The following ARNT2 variants were observed in gnomAD, a reference collection of about 807,000 sequenced individuals.
ARNT2 encodes the protein aryl hydrocarbon receptor nuclear translocator 2, also known as ARNT protein 2.
Under a neutral mutation model 91.7 loss-of-function variants are expected in ARNT2, and 36 were observed. The observed-to-expected ratio is 0.39, with a 90% CI of 0.30 to 0.52. ARNT2 has a LOEUF of 0.52. Among genes scored for constraint, ARNT2 ranks in the 20% least tolerant of loss-of-function variants. ARNT2 has a pLI of 0.72. For missense variants in ARNT2, 775 were observed against 939.3 expected (o/e 0.83, Z 2.29); for synonymous variants, 365 against 347.1 (o/e 1.05, Z -0.57).
At chr15:80,469,442 C>T (rs1361205472) in intron 3 of ARNT2, among the ~76,000 whole-genome samples, 1 of 151,624 alleles carries the variant, frequency 6.6e-6, no homozygotes, top group African/African-American at 2.4e-5. Context: ...TACTTAGTGA[C>T]ACAAAGAATG....
chr15:80,546,071 G>A (rs1224481971), intron 8 of ARNT2, among the ~76,000 whole-genome samples: 3 of 152,196 alleles, frequency 2.0e-5, no homozygotes, highest in Non-Finnish European at 4.4e-5. Context: ...TTCTAATAGA[G>A]ATTAGAATGT....
At chr15:80,585,122 T>A (rs1407605643) in intron 17 of ARNT2, among the ~76,000 whole-genome samples, 1 of 152,250 alleles carries the variant, frequency 6.6e-6, no homozygotes, top group African/African-American at 2.4e-5. Context: ...AAAGCATTTC[T>A]TCCATTTCAG....
intron 8 of ARNT2, among the ~76,000 whole-genome samples, chr15:80,531,872 C>T (rs1897746058): frequency 6.6e-6 from 1 of 152,178 alleles, no homozygotes; most frequent in Non-Finnish European, 1.5e-5. Flanking sequence ...TCAGCTGACC[C>T]TAACGTCTCT....
chr15:80,433,099 T>C (rs940655934), intron 1 of ARNT2, among the ~76,000 whole-genome samples: 18 of 152,042 alleles, frequency 1.2e-4, no homozygotes, highest in Admixed American at 3.9e-4. Flanking sequence ...ACAAGGAAAC[T>C]ACTTTGTTTC....
chr15:80,580,627 C>A, intron 16 of ARNT2, 78 bp downstream of exon 16: 3 of 1,582,302 alleles, frequency 1.9e-6, no homozygotes, highest in East Asian at 2.3e-5. Flanking sequence ...CTTTGGATTG[C>A]GGTTCTGAGG....
At chr15:80,452,247 C>A (rs973269114) in intron 2 of ARNT2, among the ~76,000 whole-genome samples, 1 of 152,320 alleles carries the variant, frequency 6.6e-6, no homozygotes, top group South Asian at 2.1e-4. Flanking sequence ...AGTGGTTATG[C>A]CAGCTTTCCC....
At chr15:80,509,529 T>C (rs1262196172) in intron 6 of ARNT2, among the ~76,000 whole-genome samples, 1 of 152,118 alleles carries the variant, frequency 6.6e-6, no homozygotes, top group Non-Finnish European at 1.5e-5. Flanking sequence ...GTAGGGGTGA[T>C]ACAAAGTAGA....
intron 5 of ARNT2, among the ~76,000 whole-genome samples, chr15:80,489,844 G>A (rs1485414538): frequency 1.3e-5 from 2 of 152,196 alleles, no homozygotes; most frequent in African/African-American, 2.4e-5. Flanking sequence ...TGGACTTTCT[G>A]CCTGGGTTTG....
At position 80,508,262 on chromosome 15, in the gene ARNT2, T is replaced by C; in HGVS notation, c.725+4T>C. ...GGTCTTTCATCTGCAGGATGAGGTCTGTTTTGGGGGAGCAGCAGGCCATCA... is the reference window on the plus strand; with the variant it reads ...GGTCTTTCATCTGCAGGATGAGGTCCGTTTTGGGGGAGCAGCAGGCCATCA... On this transcript the variant is annotated splice_donor_region_variant and intron_variant, in intron 6 of 18. Coordinates refer to ENST00000303329, the MANE Select transcript of ARNT2 (RefSeq NM_014862.4). 6.2e-7 allele frequency: 1 copy of C among 1,613,912 alleles called. No homozygotes were observed. Among genetic ancestry groups the C allele is most frequent in the Non-Finnish European group, 8.5e-7 (1 of 1,179,818 alleles).
intron 1 of ARNT2, among the ~76,000 whole-genome samples, chr15:80,439,332 G>A (rs139818402): frequency 7.9e-5 from 12 of 152,312 alleles, no homozygotes; most frequent in African/African-American, 2.9e-4. Flanking sequence ...CATTGATCAT[G>A]CACAAGTTCA....
intron 17 of ARNT2, among the ~76,000 whole-genome samples, chr15:80,586,122 G>T (rs1183815758): frequency 6.6e-6 from 1 of 152,016 alleles, no homozygotes; most frequent in Non-Finnish European, 1.5e-5. Context: ...ATATTACCTT[G>T]TTTCTTGGAG....
intron 17 of ARNT2, among the ~76,000 whole-genome samples, chr15:80,587,204 T>A (rs1022367816): frequency 6.6e-6 from 1 of 152,202 alleles, no homozygotes; most frequent in African/African-American, 2.4e-5. Context: ...TGCCCTTTGG[T>A]GCACCTTGTT....
intron 5 of ARNT2, among the ~76,000 whole-genome samples, chr15:80,482,355 C>CAGCTGGG (rs1896903495): frequency 6.6e-6 from 1 of 152,128 alleles, no homozygotes; most frequent in African/African-American, 2.4e-5. Flanking sequence ...GTTAAACCTT[C>CAGCTGGG]CCAGGTGATT....
At chr15:80,417,513 C>A (rs1205021033) in intron 1 of ARNT2, among the ~76,000 whole-genome samples, 1 of 151,736 alleles carries the variant, frequency 6.6e-6, no homozygotes, top group East Asian at 1.9e-4. Flanking sequence ...TTCCCATCCC[C>A]CCTCTGCTTC....
chr15:80,446,540 C>T (rs1348867206), intron 1 of ARNT2, among the ~76,000 whole-genome samples: 1 of 152,190 alleles, frequency 6.6e-6, no homozygotes, highest in Admixed American at 6.5e-5. Context: ...ACCTGGCCTC[C>T]GCCTGGGCAC....
chr15:80,515,772 G>A (rs1350265789), intron 8 of ARNT2, among the ~76,000 whole-genome samples: 1 of 146,002 alleles, frequency 6.8e-6, no homozygotes, highest in African/African-American at 2.5e-5. Flanking sequence ...ACAATTTTTT[G>A]TTCACTTTAT....
At chr15:80,493,567 T>C (rs2141413370) in intron 5 of ARNT2, among the ~76,000 whole-genome samples, 1 of 152,332 alleles carries the variant, frequency 6.6e-6, no homozygotes, top group South Asian at 2.1e-4. Flanking sequence ...GTCAGGGTGA[T>C]ATGAGGGGGC....
At chr15:80,531,049 T>A (rs970263629) in intron 8 of ARNT2, among the ~76,000 whole-genome samples, 16 of 152,212 alleles carry the variant, frequency 1.1e-4, no homozygotes, top group African/African-American at 3.4e-4. Context: ...TTACTAATAT[T>A]CCTCTGAGAA....
chr15:80,538,589 A>G (rs1450725246), intron 8 of ARNT2, among the ~76,000 whole-genome samples: 1 of 152,214 alleles, frequency 6.6e-6, no homozygotes, highest in East Asian at 1.9e-4. Flanking sequence ...TGTGGCCAAA[A>G]CAATGTTTAG....
Sources: allele counts gnomAD v4.1 joint callset (sites outside exome capture counted in the v4.1 genomes callset), GRCh38; gene constraint gnomAD v4.1.1; transcripts MANE v1.5; gene names NCBI Gene and HGNC (gene_info 2026-07-23, HGNC 2026-07-21).